TENM2: variants seen among roughly 807,000 people sequenced by gnomAD.
The protein encoded by TENM2 is teneurin transmembrane protein 2.
TENM2 carries 52 observed loss-of-function variants against 245.2 expected under a neutral mutation model. The observed-to-expected ratio is 0.21, with a 90% CI of 0.17 to 0.27. The LOEUF (loss-of-function observed/expected upper bound fraction) is 0.27, where lower values mean the gene tolerates loss of function less well. TENM2 is among the 10% of genes least tolerant of loss of function. The probability of loss-of-function intolerance (pLI) is 1.00; values close to 1 mark genes in which losing one functional copy is unlikely to be tolerated. For missense variants in TENM2, 3,046 were observed against 3,666.8 expected (o/e 0.83, Z 4.37); for synonymous variants, 1,363 against 1,438.9 (o/e 0.95, Z 1.19).
chr5:167,737,747 C>A (rs73801364), intron 2 of TENM2, among the ~76,000 whole-genome samples: 161 of 152,312 alleles, frequency 1.1e-3, no homozygotes, highest in African/African-American at 3.7e-3. Flanking sequence ...TGCAAAAGGA[C>A]AACTAGCAGT....
chr5:167,203,889 A>G, the TENM2 span, among the ~76,000 whole-genome samples: 1 of 152,180 alleles, frequency 6.6e-6, no homozygotes, highest in Non-Finnish European at 1.5e-5. Flanking sequence ...GAAAAAACAG[A>G]GAGAAAGAAG....
the TENM2 span, among the ~76,000 whole-genome samples, chr5:167,052,433 A>C: frequency 4.6e-5 from 7 of 152,294 alleles, no homozygotes; most frequent in Non-Finnish European, 8.8e-5. Context: ...ATTATGCTCC[A>C]AGCAGAGCTG....
At chr5:167,749,541 G>A (rs556029663) in intron 2 of TENM2, among the ~76,000 whole-genome samples, 1 of 152,088 alleles carries the variant, frequency 6.6e-6, no homozygotes, top group African/African-American at 2.4e-5. Flanking sequence ...AGGAGGCTGA[G>A]GCAGGAGAAT....
At chr5:166,979,194 C>CCAG in the TENM2 span, among the ~76,000 whole-genome samples, 1,103 of 142,108 alleles carry the variant, frequency 7.8e-3, 10 homozygotes, top group South Asian at 0.021. Flanking sequence ...AGCACCACCA[C>CCAG]CAGCAGCAGC....
intron 2 of TENM2, among the ~76,000 whole-genome samples, chr5:167,521,569 C>A (rs1770757954): frequency 6.6e-6 from 1 of 152,198 alleles, no homozygotes; most frequent in South Asian, 2.1e-4. Context: ...CATAGCCAAA[C>A]ACATTGCCAT....
At chr5:168,181,669 C>CTTTTTTTTTT (rs36042366) in intron 13 of TENM2, among the ~76,000 whole-genome samples, 2 of 78,864 alleles carry the variant, frequency 2.5e-5, no homozygotes, top group Non-Finnish European at 4.7e-5. Context: ...AGTTTTACTT[C>CTTTTTTTTTT]TTTTTTTTTT....
intron 2 of TENM2, among the ~76,000 whole-genome samples, chr5:167,657,446 G>A (rs976607093): frequency 2.6e-5 from 4 of 152,104 alleles, no homozygotes; most frequent in African/African-American, 7.2e-5. Flanking sequence ...ATAAGCATTC[G>A]GGGTTCAAAT....
intron 3 of TENM2, among the ~76,000 whole-genome samples, chr5:167,921,488 G>C (rs1288599454): frequency 6.6e-6 from 1 of 152,174 alleles, no homozygotes; most frequent in Non-Finnish European, 1.5e-5. Flanking sequence ...ACAGAGAGGA[G>C]AATCTAGGTC....
chr5:168,007,407 G>A (rs924220011), intron 5 of TENM2, among the ~76,000 whole-genome samples: 1 of 152,216 alleles, frequency 6.6e-6, no homozygotes, highest in African/African-American at 2.4e-5. Flanking sequence ...GGGATTCCAG[G>A]TGTGAGCCAC....
chr5:167,064,967 T>C, the TENM2 span, among the ~76,000 whole-genome samples: 3 of 152,244 alleles, frequency 2.0e-5, no homozygotes, highest in Non-Finnish European at 2.9e-5. Context: ...ACAATAATTA[T>C]GCTGATTTCT....
At chr5:167,951,792 T>C (rs1439169338) in intron 3 of TENM2, among the ~76,000 whole-genome samples, 1 of 152,088 alleles carries the variant, frequency 6.6e-6, no homozygotes, top group African/African-American at 2.4e-5. Context: ...AAAATAGATA[T>C]ATATGTGTAT....
intron 3 of TENM2, among the ~76,000 whole-genome samples, chr5:167,933,810 G>GTATC (rs1031573202): frequency 2.0e-5 from 3 of 152,126 alleles, no homozygotes; most frequent in African/African-American, 7.2e-5. Context: ...TGTATAATGG[G>GTATC]TATCTCCTTC....
chr5:168,054,271 T>C (rs1434087136), intron 6 of TENM2, among the ~76,000 whole-genome samples: 2 of 152,206 alleles, frequency 1.3e-5, no homozygotes, highest in South Asian at 2.1e-4. Flanking sequence ...TCCTAAAGTA[T>C]AGCCAGCCAG....
the TENM2 span, among the ~76,000 whole-genome samples, chr5:167,240,492 A>G: frequency 6.6e-6 from 1 of 152,158 alleles, no homozygotes; most frequent in African/African-American, 2.4e-5. Flanking sequence ...AAAAAAGAGG[A>G]AAAAGAAAAC....
chr5:167,884,603 T>G (rs1247837414), intron 3 of TENM2, among the ~76,000 whole-genome samples: 1 of 152,192 alleles, frequency 6.6e-6, no homozygotes, highest in East Asian at 1.9e-4. Flanking sequence ...CTTTTAAAGC[T>G]GAAAACTATT....
intron 6 of TENM2, among the ~76,000 whole-genome samples, chr5:168,057,254 G>C (rs1389441020): frequency 1.3e-5 from 2 of 151,712 alleles, no homozygotes; most frequent in Non-Finnish European, 2.9e-5. Flanking sequence ...AAGCCTAAAA[G>C]CTTTCTAATA....
chr5:167,233,272 A>C, the TENM2 span, among the ~76,000 whole-genome samples: 1 of 152,298 alleles, frequency 6.6e-6, no homozygotes, highest in Non-Finnish European at 1.5e-5. Context: ...ATGCATATGT[A>C]CTCAAACTTT....
chr5:168,221,442 C>T (rs1001462487), intron 23 of TENM2, among the ~76,000 whole-genome samples: 6 of 152,156 alleles, frequency 3.9e-5, no homozygotes, highest in African/African-American at 1.4e-4. Context: ...TCTCCAAGCC[C>T]AGCGTTCTTT....
chr5:167,094,234 T>G, the TENM2 span, among the ~76,000 whole-genome samples: 3 of 152,178 alleles, frequency 2.0e-5, no homozygotes, highest in African/African-American at 4.8e-5. Flanking sequence ...AAATGTACAA[T>G]TTGGTAAGTT....
Sources: allele counts gnomAD v4.1 joint callset (sites outside exome capture counted in the v4.1 genomes callset), GRCh38; gene constraint gnomAD v4.1.1; transcripts MANE v1.5; gene names NCBI Gene and HGNC (gene_info 2026-07-23, HGNC 2026-07-21).